The following SLC44A4 variants were observed in gnomAD, a reference collection of about 807,000 sequenced individuals.
SLC44A4 encodes the protein choline transporter-like protein 4.
A neutral mutation model predicts 97.0 loss-of-function variants in SLC44A4; 74 were observed. The ratio of observed to expected loss-of-function variants is 0.76; its 90% CI spans 0.63 to 0.93. The LOEUF (loss-of-function observed/expected upper bound fraction) is 0.93, where lower values mean the gene tolerates loss of function less well. Ranked by LOEUF, SLC44A4 falls within the 40% of genes least tolerant of loss-of-function variation. The pLI is 0.00. For missense variants in SLC44A4, 799 were observed against 902.9 expected, an observed-to-expected ratio of 0.88 and a Z score of 1.48; for synonymous variants, 325 against 363.8, an observed-to-expected ratio of 0.89 and a Z score of 1.21.
At position 31,874,599 on chromosome 6, in the gene SLC44A4, C is replaced by T; in HGVS notation, c.469-79G>A. On this transcript the variant is annotated intron_variant, in intron 6 of 20. Coordinates refer to ENST00000229729, the MANE Select transcript of SLC44A4 (RefSeq NM_025257.3). This position sits in a 1 kb window ranked among gnomAD's most constrained non-coding sequence, Gnocchi z 4.8. Reference sequence around the variant, plus strand: ...AGGTCCCCTCACCACCACCATGGGGCTCAGCCTGTCCCACACTCCCCAGGA... The same window carrying T: ...AGGTCCCCTCACCACCACCATGGGGTTCAGCCTGTCCCACACTCCCCAGGA... 2 of 1,574,394 alleles carry T rather than the reference C, an allele frequency of 1.3e-6. No homozygotes were observed. The highest frequency in any genetic ancestry group is 1.7e-6 in the Non-Finnish European group (2 of 1,158,980).
chr6:31,869,952 T>A (rs1351673040), intron 11 of SLC44A4, among the ~76,000 whole-genome samples: 1 of 148,128 alleles, frequency 6.8e-6, no homozygotes, highest in Admixed American at 6.7e-5. Context: ...ACCACTGCAC[T>A]CCAGCCTGGT....
At position 31,874,367 on chromosome 6, in the gene SLC44A4, T is replaced by C. The variant is rs1763328914; in HGVS notation, c.529+93A>G. 1 of 1,426,462 alleles carries C rather than the reference T, an allele frequency of 7.0e-7. No individual in the cohort carries two copies. 88.4% of individuals were successfully genotyped at this position (1,426,462 alleles called of 1,614,324 possible). A position where few individuals can be genotyped will look rare whatever the true frequency, so the allele number is the denominator to read the frequency against. ...TTCCAATTTTGCCACCAACAAGCTA[T>C]GTGACTTCACTCTCTCTGGGCCTGA... is the stretch of plus-strand genomic sequence containing the variant. On this transcript the variant is annotated intron_variant, in intron 7 of 20. Transcript: ENST00000229729. This position sits in a 1 kb window ranked among gnomAD's most constrained non-coding sequence, Gnocchi z 4.8.
Position 31,865,729 on chromosome 6 carries a change from C to G in SLC44A4, c.1543G>C (p.Ala515Pro). ...GALILTLVQI[A>P]RVILEYIDHK... ...TCAATATACTCCAAGATGACCCGGG[C>G]TATCTGCACAAGGGTCAGGATGAGG... is the stretch of plus-strand genomic sequence containing the variant. The change falls in exon 15 of 21, where the codon GCC (alanine) becomes CCC (proline). Residue 515 changes from alanine (A) to proline (P), a missense_variant. Ala to Pro is a conservative substitution (Grantham distance 27, BLOSUM62 -1). This residue lies in a region of SLC44A4 where 379 missense variants were observed against 438.3 expected (regional missense o/e 0.86). Coordinates refer to ENST00000229729, the MANE Select transcript of SLC44A4 (RefSeq NM_025257.3). The surrounding 1 kb of genome is among the most constrained non-coding windows in gnomAD (Gnocchi z 5.2). The G allele has an allele frequency of 6.2e-7, 1 of 1,613,600 alleles. No homozygotes were observed. Among genetic ancestry groups the G allele is most frequent in the Non-Finnish European group, 8.5e-7 (1 of 1,179,964 alleles).
rs2151554155 is a variant in SLC44A4, at chr6:31,865,617, G to C, written c.1583-16C>G. On this transcript the variant is annotated splice_polypyrimidine_tract_variant and intron_variant, in intron 15 of 20. Transcript: ENST00000229729. This position sits in a 1 kb window ranked among gnomAD's most constrained non-coding sequence, Gnocchi z 5.2. ...TTCTGCACTCCTGGGAGCGAGGAAG[G>C]CTCATGTTTGGTCACTGCCCCTCCC... 7.5e-6 allele frequency: 12 copies of C among 1,608,646 alleles called. No individual in the cohort carries two copies. Among genetic ancestry groups the C allele is most frequent in the African/African-American group, 1.3e-5 (1 of 74,950 alleles).
rs1763566752 is a variant in SLC44A4, at chr6:31,878,331, C to A, written c.40+610G>T. Reference sequence around the variant, plus strand: ...GACCCCAGCCCCCTTTCCACAAAGACCCTCAGCCCCAACTCCTCACAGGGA... The same window carrying A: ...GACCCCAGCCCCCTTTCCACAAAGAACCTCAGCCCCAACTCCTCACAGGGA... On this transcript the variant is annotated intron_variant, in intron 1 of 20. Coordinates refer to ENST00000229729, the MANE Select transcript of SLC44A4 (RefSeq NM_025257.3). This position sits in a 1 kb window ranked among gnomAD's most constrained non-coding sequence, Gnocchi z 4.0. 6.6e-6 allele frequency among the ~76,000 whole-genome samples: 1 copy of A among 151,928 alleles called. No homozygotes were observed. The highest frequency in any genetic ancestry group is 2.1e-4 in the South Asian group (1 of 4,808).
chr6:31,868,068 T>G (rs1050743773), intron 13 of SLC44A4, among the ~76,000 whole-genome samples: 2 of 152,124 alleles, frequency 1.3e-5, no homozygotes, highest in Non-Finnish European at 2.9e-5. Context: ...TCTGCCCACC[T>G]CGGCCTCCTA....
chr6:31,878,303 C>T lies in SLC44A4; in HGVS notation c.40+638G>A, dbSNP rs533911153. Among the ~76,000 whole-genome samples the T allele has an allele frequency of 2.6e-5, 4 of 152,082 alleles. No homozygotes were observed. In the South Asian group the frequency reaches 8.3e-4, roughly 32 times the overall value. ...CTAGCTCCTCACAGAGACCCCTAGG[C>T]AGGACCCCAGCCCCCTTTCCACAAA... is the stretch of plus-strand genomic sequence containing the variant. On this transcript the variant is annotated intron_variant, in intron 1 of 20. Transcript: ENST00000229729. This position sits in a 1 kb window ranked among gnomAD's most constrained non-coding sequence, Gnocchi z 4.0.
rs771490955 is a variant in SLC44A4 at position 31,870,698 on chromosome 6, G to A, written c.942C>T (p.Ile314=). ...SVQETWLAAL[I]VLAVLEAILL... is the part of the protein sequence containing the mutation. ...GGATGGCTTCAAGCACCGCCAACACGATCACTGCAGAGGACGGGGCAGACA... is the reference window on the plus strand; with the variant it reads ...GGATGGCTTCAAGCACCGCCAACACAATCACTGCAGAGGACGGGGCAGACA... The change falls in exon 11 of 21, where the codon ATC becomes ATT. Residue 314 remains isoleucine (I), a synonymous_variant. Coordinates refer to ENST00000229729, the MANE Select transcript of SLC44A4 (RefSeq NM_025257.3). 1.7e-5 allele frequency: 28 copies of A among 1,611,420 alleles called. No individual in the cohort carries two copies. The highest frequency in any genetic ancestry group is 5.3e-5 in the African/African-American group (4 of 74,850).
chr6:31,871,588 T>C (rs1581847493), intron 7 of SLC44A4, 27 bp from the exon 8 acceptor site: 2 of 1,583,732 alleles, frequency 1.3e-6, no homozygotes, highest in South Asian at 1.1e-5. Context: ...GGCTGCTGGG[T>C]TGGGGGCCAG....
chr6:31,872,517 T>G (rs1763228636), intron 7 of SLC44A4, among the ~76,000 whole-genome samples: 1 of 152,124 alleles, frequency 6.6e-6, no homozygotes, highest in Non-Finnish European at 1.5e-5. Context: ...ATTACAGGTG[T>G]GAGTCACCTC....
intron 13 of SLC44A4, among the ~76,000 whole-genome samples, chr6:31,867,225 GT>G (rs1762914583): frequency 6.6e-6 from 1 of 151,226 alleles, no homozygotes; most frequent in African/African-American, 2.4e-5. Flanking sequence ...GACTGCAGGT[GT>G]GTGCCACCAT....
At chr6:31,873,394 G>C (rs1261576130) in intron 7 of SLC44A4, among the ~76,000 whole-genome samples, 1 of 151,160 alleles carries the variant, frequency 6.6e-6, no homozygotes, top group African/African-American at 2.4e-5. Flanking sequence ...TGTTGGCCAG[G>C]CTGGTCTCGA....
chr6:31,871,174 C>A, intron 9 of SLC44A4, 127 bp from the exon 10 acceptor site: 1 of 1,271,932 alleles, frequency 7.9e-7, no homozygotes, highest in Non-Finnish European at 1.1e-6. Context: ...CCTTATAAAT[C>A]CTGTTGGTCT....
At position 31,876,668 on chromosome 6, in the gene SLC44A4, G is replaced by A. The variant is rs1364507839; in HGVS notation, c.89+366C>T. ...GCAGGAGGATCACTTGAGCACAGGA[G>A]TTCGAGCCTGCAGTGAACCCCCATC... On this transcript the variant is annotated intron_variant, in intron 2 of 20. Coordinates refer to ENST00000229729, the MANE Select transcript of SLC44A4 (RefSeq NM_025257.3). The surrounding 1 kb of genome is among the most constrained non-coding windows in gnomAD (Gnocchi z 4.8). Among the ~76,000 whole-genome samples the A allele has an allele frequency of 6.6e-6, 1 of 152,168 alleles. No homozygotes were observed. The highest frequency in any genetic ancestry group is 1.5e-5 in the Non-Finnish European group (1 of 68,020).
At chr6:31,864,987 C>T in intron 18 of SLC44A4, 23 bp downstream of exon 18, 1 of 1,614,030 alleles carries the variant, frequency 6.2e-7, no homozygotes, top group South Asian at 1.1e-5. Flanking sequence ...TACCCTCTGT[C>T]CCCACAGCTT....
Position 31,876,050 on chromosome 6 carries a change from A to G in SLC44A4, c.163+6T>C, listed in dbSNP as rs574882585. The G allele has an allele frequency of 4.5e-5, 73 of 1,613,962 alleles. No individual in the cohort carries two copies. The South Asian group carries it at 6.5e-4, about 14-fold the overall frequency. On this transcript the variant is annotated splice_donor_region_variant and intron_variant, in intron 3 of 20. Coordinates refer to ENST00000229729, the MANE Select transcript of SLC44A4 (RefSeq NM_025257.3). The surrounding 1 kb of genome is among the most constrained non-coding windows in gnomAD (Gnocchi z 4.8). ...CTGCCCTGGCTCTGAGCAGCTGGAA[A>G]CTCACCCACAATCCCCACCACGATG...
rs188972261 is a variant in SLC44A4, at chr6:31,865,296, G to T, written c.1760+19C>A. 3.7e-5 allele frequency: 60 copies of T among 1,604,518 alleles called. No homozygotes were observed. The highest frequency in any genetic ancestry group is 1.7e-4 in the South Asian group (15 of 90,838). On this transcript the variant is annotated intron_variant, in intron 17 of 20. Coordinates refer to ENST00000229729, the MANE Select transcript of SLC44A4 (RefSeq NM_025257.3). The surrounding 1 kb of genome is among the most constrained non-coding windows in gnomAD (Gnocchi z 5.2). ...AGATCAGAGGAGGGAGCCACAAAGCGGGGGGGGAGCAGCCTAACCTGACAA... is the reference window on the plus strand; with the variant it reads ...AGATCAGAGGAGGGAGCCACAAAGCTGGGGGGGAGCAGCCTAACCTGACAA...
chr6:31,873,028 C>G (rs1181662991), intron 7 of SLC44A4, among the ~76,000 whole-genome samples: 2 of 152,150 alleles, frequency 1.3e-5, no homozygotes, highest in Admixed American at 6.5e-5. Context: ...AGGTGCCCAC[C>G]ACCACACCTG....
Position 31,863,200 on chromosome 6 carries a change from G to C in SLC44A4, c.*427C>G, listed in dbSNP as rs945493826. On this transcript the variant is annotated 3_prime_UTR_variant, in exon 21 of 21. Transcript: ENST00000229729. ...AGAGAATGAGTCACAGATTTACTGAGTTAACAAAATATCTTTAATAAAATC... is the reference window on the plus strand; with the variant it reads ...AGAGAATGAGTCACAGATTTACTGACTTAACAAAATATCTTTAATAAAATC... 1 of 261,050 alleles carries C rather than the reference G, an allele frequency of 3.8e-6. No individual in the cohort carries two copies. The highest frequency in any genetic ancestry group is 7.2e-6 in the Non-Finnish European group (1 of 138,208). 16.2% of individuals were successfully genotyped at this position (261,050 alleles called of 1,614,324 possible).
Sources: allele counts gnomAD v4.1 joint callset (sites outside exome capture counted in the v4.1 genomes callset), GRCh38; gene constraint gnomAD v4.1.1; regional missense constraint gnomAD v4.1.1; non-coding constraint Gnocchi (gnomAD v3.1); transcripts MANE v1.5; gene names NCBI Gene and HGNC (gene_info 2026-07-23, HGNC 2026-07-21).